FSCN1: variants seen among roughly 807,000 people sequenced by gnomAD.
FSCN1 encodes the protein fascin actin-bundling protein 1, also known as fascin.
FSCN1 carries 10 observed loss-of-function variants against 39.7 expected under a neutral mutation model. The observed-to-expected ratio is 0.25, with a 90% CI of 0.16 to 0.43. The LOEUF (loss-of-function observed/expected upper bound fraction) is 0.43. Ranked by LOEUF, FSCN1 falls within the 20% of genes least tolerant of loss-of-function variation. FSCN1 has a pLI of 1.00. For missense variants in FSCN1, 525 were observed against 723.8 expected (o/e 0.73, Z 3.15); for synonymous variants, 322 against 320.0 (o/e 1.01, Z -0.07).
At position 5,605,351 on chromosome 7, in the gene FSCN1, C is replaced by T. The variant is rs772706006; in HGVS notation, c.1359C>T (p.Phe453=). The stretch of plus-strand genomic sequence containing the variant: ...GCGACACTCCTGTGGACTTCTTCTT[C>T]GAGTTCTGCGACTATAACAAGGTGG... ...SSGDTPVDFF[F]EFCDYNKVAI... The change falls in exon 5 of 5, where the codon TTC becomes TTT. Residue 453 remains phenylalanine, a synonymous_variant. Transcript: ENST00000382361. The surrounding 1 kb of genome is among the most constrained non-coding windows in gnomAD (Gnocchi z 6.9). The T allele has an allele frequency of 2.0e-5, 32 of 1,613,732 alleles. No individual in the cohort carries two copies. The highest frequency in any genetic ancestry group is 2.7e-5 in the African/African-American group (2 of 75,042).
chr7:5,604,538 G>T (rs963935218), intron 4 of FSCN1, among the ~76,000 whole-genome samples: 2 of 151,980 alleles, frequency 1.3e-5, no homozygotes. Flanking sequence ...GCGTTATCTC[G>T]GCTCACTGCA....
intron 1 of FSCN1, among the ~76,000 whole-genome samples, chr7:5,598,235 G>A (rs939959641): frequency 2.6e-5 from 4 of 152,248 alleles, no homozygotes; most frequent in Non-Finnish European, 5.9e-5. Flanking sequence ...GGCCCCCCGC[G>A]GTGGGTGCCT....
At position 5,603,741 on chromosome 7, in the gene FSCN1, C is replaced by T. The variant is rs577741871; in HGVS notation, c.1112-122C>T. On this transcript the variant is annotated intron_variant, in intron 3 of 4. Transcript: ENST00000382361. This position sits in a 1 kb window ranked among gnomAD's most constrained non-coding sequence, Gnocchi z 8.5. Reference sequence around the variant, plus strand: ...GCTGGGCATCCCCCCGGACTGGCCCCGCACTGTCCTACCCTGGGGACTGCT... The same window carrying T: ...GCTGGGCATCCCCCCGGACTGGCCCTGCACTGTCCTACCCTGGGGACTGCT... The T allele has an allele frequency of 1.8e-4, 268 of 1,502,040 alleles. 2 individuals carry two copies. In the South Asian group the frequency reaches 2.8e-3, roughly 16 times the overall value. 93.0% of individuals were successfully genotyped at this position (1,502,040 alleles called of 1,614,324 possible).
chr7:5,600,282 C>T (rs1195382054), intron 1 of FSCN1, among the ~76,000 whole-genome samples: 1 of 151,670 alleles, frequency 6.6e-6, no homozygotes. Context: ...GGCATAGTGG[C>T]GGGTGCCTGT....
chr7:5,606,302 G>C lies in FSCN1; in HGVS notation c.*828G>C, dbSNP rs1004817799. ...TGGCTGTAGTAGCGAGTGATCTGGC[G>C]GGGGGCGTCTCAGCACCCTCCCCAG... On this transcript the variant is annotated 3_prime_UTR_variant, in exon 5 of 5. Coordinates refer to ENST00000382361, the MANE Select transcript of FSCN1 (RefSeq NM_003088.4). The surrounding 1 kb of genome is among the most constrained non-coding windows in gnomAD (Gnocchi z 5.1). 1 of 152,070 alleles carries C rather than the reference G, an allele frequency of 6.6e-6. No individual in the cohort carries two copies. Among genetic ancestry groups the C allele is most frequent in the African/African-American group, 2.4e-5 (1 of 41,402 alleles). The allele number at this position is 152,070 out of a possible 1,614,324, so 9.4% of individuals were successfully genotyped here. A position where few individuals can be genotyped will look rare whatever the true frequency, so the allele number is the denominator to read the frequency against.
At chr7:5,594,522 A>C (rs931732294) in intron 1 of FSCN1, 53 of 152,196 alleles carry the variant, frequency 3.5e-4, no homozygotes, top group Admixed American at 2.9e-3. Context: ...GGAAAACCAG[A>C]TGCGGCGGGG....
chr7:5,594,886 GCCT>G, intron 1 of FSCN1: 1 of 152,254 alleles, frequency 6.6e-6, no homozygotes, highest in South Asian at 2.1e-4. Flanking sequence ...CCCCTCCGGG[GCCT>G]CCTGCAGGCA....
At chr7:5,597,818 A>G (rs1453237276) in intron 1 of FSCN1, among the ~76,000 whole-genome samples, 1 of 151,554 alleles carries the variant, frequency 6.6e-6, no homozygotes, top group Non-Finnish European at 1.5e-5. Context: ...GAGGACAGGC[A>G]GGGCTAGACC....
chr7:5,602,575 G>A (rs1296787408), intron 1 of FSCN1, among the ~76,000 whole-genome samples: 1 of 152,124 alleles, frequency 6.6e-6, no homozygotes, highest in Non-Finnish European at 1.5e-5. Context: ...CTAAAAAAAC[G>A]AGGCCATTTT....
intron 1 of FSCN1, among the ~76,000 whole-genome samples, chr7:5,601,006 G>A (rs1228136512): frequency 8.3e-6 from 1 of 121,212 alleles, no homozygotes; most frequent in Non-Finnish European, 1.7e-5. Context: ...GGCCAGGCTG[G>A]TCTCAAACTC....
At chr7:5,600,658 AT>A (rs199908085) in intron 1 of FSCN1, among the ~76,000 whole-genome samples, 13,389 of 133,746 alleles carry the variant, frequency 0.1, 716 homozygotes, top group African/African-American at 0.16. Context: ...CCCCCAGCTA[AT>A]TTTTTTTTTT....
chr7:5,595,503 C>T (rs978438281), intron 1 of FSCN1, among the ~76,000 whole-genome samples: 12 of 152,104 alleles, frequency 7.9e-5, no homozygotes, highest in South Asian at 4.1e-4. Context: ...GGGGACATTA[C>T]GAAGTGTCAA....
chr7:5,592,819 G>T lies in FSCN1; in HGVS notation c.-118G>T. On this transcript the variant is annotated 5_prime_UTR_variant, in exon 1 of 5. Coordinates refer to ENST00000382361, the MANE Select transcript of FSCN1 (RefSeq NM_003088.4). The surrounding 1 kb of genome is among the most constrained non-coding windows in gnomAD (Gnocchi z 5.3). The stretch of plus-strand genomic sequence containing the variant: ...GGGGCGCCGCTAGCTGGGCTTTGTG[G>T]AGCGCTGCGGAGGGTGCGTGCGGGC... The T allele has an allele frequency of 1.6e-6, 1 of 612,252 alleles. No individual in the cohort carries two copies. The highest frequency in any genetic ancestry group is 2.8e-6 in the Non-Finnish European group (1 of 360,960). The allele number at this position is 612,252 out of a possible 1,614,324, so 37.9% of individuals were successfully genotyped here.
In FSCN1 at chr7:5,603,228, A is replaced by C. The variant is rs368044433; in HGVS notation, c.833-29A>C. ...CCAGAACTAGGGGGCGTGGGGCCCC[A>C]GTACCAGCCCAAGGCCTCCTCTCTG... On this transcript the variant is annotated intron_variant, in intron 1 of 4. Transcript: ENST00000382361. This position sits in a 1 kb window ranked among gnomAD's most constrained non-coding sequence, Gnocchi z 8.5. 4.7e-5 allele frequency: 75 copies of C among 1,610,530 alleles called. No homozygotes were observed. Among genetic ancestry groups the C allele is most frequent in the Non-Finnish European group, 5.9e-5 (70 of 1,179,522 alleles).
intron 1 of FSCN1, among the ~76,000 whole-genome samples, chr7:5,600,290 TGTA>T (rs1785801895): frequency 6.6e-6 from 1 of 151,206 alleles, no homozygotes; most frequent in Non-Finnish European, 1.5e-5. Context: ...GGCGGGTGCC[TGTA>T]ATCCCAGCTA....
intron 1 of FSCN1, among the ~76,000 whole-genome samples, chr7:5,595,615 G>A (rs564588997): frequency 1.3e-5 from 2 of 152,198 alleles, no homozygotes; most frequent in Non-Finnish European, 2.9e-5. Flanking sequence ...GTATGGGGGG[G>A]GTGCTGTGTG....
In FSCN1 at chr7:5,605,158, C is replaced by T. The variant is rs574838065; in HGVS notation, c.1280-114C>T. ...TAGGGACCCTGGCTCATTCCGGAGC[C>T]GGGACTGGAGGGTGGGGCGTCACCC... On this transcript the variant is annotated intron_variant, in intron 4 of 4. Coordinates refer to ENST00000382361, the MANE Select transcript of FSCN1 (RefSeq NM_003088.4). The surrounding 1 kb of genome is among the most constrained non-coding windows in gnomAD (Gnocchi z 6.9). The T allele has an allele frequency of 2.6e-5, 19 of 735,212 alleles. No homozygotes were observed. Among genetic ancestry groups the T allele is most frequent in the Admixed American group, 1.8e-4 (8 of 43,688 alleles). 45.5% of individuals were successfully genotyped at this position (735,212 alleles called of 1,614,324 possible).
Position 5,603,524 on chromosome 7 carries a change from T to C in FSCN1, c.1018T>C (p.Trp340Arg). The change falls in exon 3 of 5, where the codon TGG (tryptophan) becomes CGG (arginine). Residue 340 changes from tryptophan (W) to arginine (R), a missense_variant. Trp to Arg is a moderately radical substitution (Grantham distance 101, BLOSUM62 -3). This residue lies in a region of FSCN1 where 275 missense variants were observed against 351.9 expected (regional missense o/e 0.78). Coordinates refer to ENST00000382361, the MANE Select transcript of FSCN1 (RefSeq NM_003088.4). The surrounding 1 kb of genome is among the most constrained non-coding windows in gnomAD (Gnocchi z 8.5). ...KNASCYFDIE[W>R]RDRRITLRAS... ...TGCCAGCTGCTACTTTGACATCGAG[T>C]GGCGTGACCGGCGCATCACACTGAG... 1 of 1,614,016 alleles carries C rather than the reference T, an allele frequency of 6.2e-7. No homozygotes were observed. The highest frequency in any genetic ancestry group is 1.1e-5 in the South Asian group (1 of 91,070).
Position 5,605,459 on chromosome 7 carries a change from G to A in FSCN1, c.1467G>A (p.Ser489=), listed in dbSNP as rs761790698. Residue 489 remains serine (S), a synonymous_variant, in exon 5 of 5, where the codon TCG becomes TCA. Transcript: ENST00000382361. This position sits in a 1 kb window ranked among gnomAD's most constrained non-coding sequence, Gnocchi z 6.9. The stretch of plus-strand genomic sequence containing the variant: ...CGGCGGAAACCGTGGACCCCGCCTC[G>A]CTCTGGGAGTACTAGGGCCGGCCCG... ...KASAETVDPA[S]LWEY 3.8e-6 allele frequency: 6 copies of A among 1,583,374 alleles called. No homozygotes were observed. Among genetic ancestry groups the A allele is most frequent in the Non-Finnish European group, 5.2e-6 (6 of 1,164,764 alleles).
Sources: allele counts gnomAD v4.1 joint callset (sites outside exome capture counted in the v4.1 genomes callset), GRCh38; gene constraint gnomAD v4.1.1; regional missense constraint gnomAD v4.1.1; non-coding constraint Gnocchi (gnomAD v3.1); transcripts MANE v1.5; gene names NCBI Gene and HGNC (gene_info 2026-07-23, HGNC 2026-07-21).